Variants in EHMT1 observed in about 807,000 individuals in gnomAD.
The protein encoded by EHMT1 is histone-lysine N-methyltransferase EHMT1.
Under a neutral mutation model 147.2 loss-of-function variants are expected in EHMT1, and 15 were observed. The ratio of observed to expected loss-of-function variants is 0.10; its 90% CI spans 0.07 to 0.16. The LOEUF (loss-of-function observed/expected upper bound fraction) is 0.16. Ranked by LOEUF, EHMT1 falls within the 10% of genes least tolerant of loss-of-function variation. The pLI is 1.00. For synonymous variants in EHMT1, 795 were observed against 709.6 expected, an observed-to-expected ratio of 1.12 and a Z score of -1.91; for missense variants, 1,587 against 1,772.4, an observed-to-expected ratio of 0.90 and a Z score of 1.88.
chr9:137,627,471 G>A (rs1175705823), intron 1 of EHMT1, among the ~76,000 whole-genome samples: 1 of 151,104 alleles, frequency 6.6e-6, no homozygotes, highest in Non-Finnish European at 1.5e-5. Context: ...CACCATGTTG[G>A]TCAGGCTGGT....
chr9:137,829,341 C>T (rs980750915), intron 25 of EHMT1, among the ~76,000 whole-genome samples: 2 of 152,232 alleles, frequency 1.3e-5, no homozygotes, highest in African/African-American at 4.8e-5. Context: ...AATTTTCAGA[C>T]ATACCAGAAA....
intron 1 of EHMT1, among the ~76,000 whole-genome samples, chr9:137,708,089 A>G (rs1428256288): frequency 6.6e-6 from 1 of 152,242 alleles, no homozygotes; most frequent in East Asian, 1.9e-4. Flanking sequence ...AACATGTAAC[A>G]TTTTATTTAC....
chr9:137,687,915 G>A (rs1044643826), intron 1 of EHMT1, among the ~76,000 whole-genome samples: 5 of 152,216 alleles, frequency 3.3e-5, no homozygotes, highest in African/African-American at 1.2e-4. Context: ...TCAACATGGG[G>A]CGTCTTTCTA....
At chr9:137,724,143 C>G (rs1218922122) in intron 3 of EHMT1, among the ~76,000 whole-genome samples, 8 of 152,244 alleles carry the variant, frequency 5.3e-5, no homozygotes, top group Admixed American at 3.9e-4. Flanking sequence ...CTGGTACCCA[C>G]TCTAGGCTCT....
intron 18 of EHMT1, among the ~76,000 whole-genome samples, chr9:137,803,848 A>C (rs574245873): frequency 4.0e-4 from 61 of 152,072 alleles, no homozygotes; most frequent in Non-Finnish European, 5.1e-4. Context: ...AAAAAAAAAA[A>C]AAAAAACCTG....
intron 1 of EHMT1, among the ~76,000 whole-genome samples, chr9:137,633,974 G>T (rs760702785): frequency 6.6e-6 from 1 of 151,804 alleles, no homozygotes; most frequent in Non-Finnish European, 1.5e-5. Flanking sequence ...CCAGCACGCC[G>T]GCTTATTTTT....
Position 137,663,913 on chromosome 9 carries a change from C to T in EHMT1, c.21+44864C>T, listed in dbSNP as rs563170539. Among the ~76,000 whole-genome samples the T allele has an allele frequency of 6.6e-5, 10 of 152,162 alleles. No homozygotes were observed. The South Asian group carries it at 1.7e-3, about 25-fold the overall frequency. Reference sequence around the variant, plus strand: ...AGTAAGCTACACATATACCATTATTCGTATTATATGTACTGTGTATTATTA... The same window carrying T: ...AGTAAGCTACACATATACCATTATTTGTATTATATGTACTGTGTATTATTA... On this transcript the variant is annotated intron_variant, in intron 1 of 26. Coordinates refer to ENST00000460843, the MANE Select transcript of EHMT1 (RefSeq NM_024757.5).
At chr9:137,745,540 C>T in intron 6 of EHMT1, 1 of 398,642 alleles carries the variant, frequency 2.5e-6, no homozygotes. Context: ...CTGAAACAGT[C>T]ACTACAGGAA....
rs546277402 is a variant in EHMT1 at position 137,776,196 on chromosome 9, C to T, written c.1792-422C>T. On this transcript the variant is annotated intron_variant, in intron 11 of 26. Coordinates refer to ENST00000460843, the MANE Select transcript of EHMT1 (RefSeq NM_024757.5). This position sits in a 1 kb window ranked among gnomAD's most constrained non-coding sequence, Gnocchi z 4.4. ...GCCCCTCCTCGAGGCTCACCTGGGT[C>T]GCCAAACCACATCTGCTGCGCACTG... is the stretch of plus-strand genomic sequence containing the variant. Among the ~76,000 whole-genome samples the T allele has an allele frequency of 9.2e-5, 14 of 152,304 alleles. No homozygotes were observed. The East Asian group carries it at 2.1e-3, about 23-fold the overall frequency.
chr9:137,771,875 C>T (rs1264264123), intron 10 of EHMT1, among the ~76,000 whole-genome samples: 1 of 152,162 alleles, frequency 6.6e-6, no homozygotes, highest in Non-Finnish European at 1.5e-5. Flanking sequence ...GCTTTTGTAT[C>T]TCGCTCAGGA....
intron 1 of EHMT1, among the ~76,000 whole-genome samples, chr9:137,691,468 G>A (rs903663335): frequency 4.6e-5 from 7 of 151,684 alleles, no homozygotes; most frequent in East Asian, 1.9e-4. Flanking sequence ...TTGAGCCACC[G>A]CGCCCAGCCG....
intron 17 of EHMT1, 148 bp downstream of exon 17, chr9:137,799,062 A>G (rs1432714320): frequency 1.4e-6 from 1 of 707,616 alleles, no homozygotes; most frequent in Non-Finnish European, 2.5e-6. Flanking sequence ...CCTCTTCCAC[A>G]CTTAGGGCCA....
At position 137,834,950 on chromosome 9, in the gene EHMT1, A is replaced by T; in HGVS notation, c.3894A>T (p.Leu1298=). ...DTSSAAAADP[L] is the part of the protein sequence containing the mutation. Reference sequence around the variant, plus strand: ...GCTCCGCGGCTGCCGCCGACCCCCTATGAGACGCCGCCGGCCAGCGGGGCG... The same window carrying T: ...GCTCCGCGGCTGCCGCCGACCCCCTTTGAGACGCCGCCGGCCAGCGGGGCG... The change falls in exon 27 of 27, where the codon CTA becomes CTT. Residue 1298 remains leucine (L), a synonymous_variant. Transcript: ENST00000460843. 1 of 1,451,226 alleles carries T rather than the reference A, an allele frequency of 6.9e-7. No homozygotes were observed. The highest frequency in any genetic ancestry group is 9.0e-7 in the Non-Finnish European group (1 of 1,110,464). The allele number at this position is 1,451,226 out of a possible 1,614,324, so 89.9% of individuals were successfully genotyped here. A position where few individuals can be genotyped will look rare whatever the true frequency, so the allele number is the denominator to read the frequency against.
chr9:137,745,456 TCTC>T (rs1367145879), intron 6 of EHMT1: 2 of 398,496 alleles, frequency 5.0e-6, no homozygotes, highest in Non-Finnish European at 8.8e-6. Flanking sequence ...ATTAGTTTTT[TCTC>T]CTCTTATATG....
intron 16 of EHMT1, among the ~76,000 whole-genome samples, chr9:137,796,608 G>A (rs972076795): frequency 6.7e-6 from 1 of 148,500 alleles, no homozygotes; most frequent in Admixed American, 6.9e-5. Context: ...GGAGGCTGAG[G>A]TAGGAGAATG....
intron 12 of EHMT1, chr9:137,777,180 C>T (rs1282880231): frequency 9.0e-6 from 3 of 333,464 alleles, no homozygotes; most frequent in South Asian, 2.8e-5. Context: ...AGTCTGTGAC[C>T]GAGTTCTGTG....
At chr9:137,639,946 TATTTA>T (rs1844362264) in intron 1 of EHMT1, among the ~76,000 whole-genome samples, 1 of 152,204 alleles carries the variant, frequency 6.6e-6, no homozygotes, top group Non-Finnish European at 1.5e-5. Flanking sequence ...TAACCTTATT[TATTTA>T]GAGACGGAGT....
chr9:137,739,198 C>T (rs1400961429), intron 4 of EHMT1, among the ~76,000 whole-genome samples: 1 of 151,366 alleles, frequency 6.6e-6, no homozygotes. Context: ...GGTGAAACCT[C>T]GTCTCTACTA....
chr9:137,675,895 C>T (rs62590249), intron 1 of EHMT1, among the ~76,000 whole-genome samples: 12 of 145,324 alleles, frequency 8.3e-5, no homozygotes, highest in African/African-American at 2.6e-4. Context: ...GCCATTCTCC[C>T]GCCTCAGCCT....
Sources: allele counts gnomAD v4.1 joint callset (sites outside exome capture counted in the v4.1 genomes callset), GRCh38; gene constraint gnomAD v4.1.1; non-coding constraint Gnocchi (gnomAD v3.1); transcripts MANE v1.5; gene names NCBI Gene and HGNC (gene_info 2026-07-23, HGNC 2026-07-21).